The following MEF2A variants were observed in gnomAD, a reference collection of about 807,000 sequenced individuals.
MEF2A encodes myocyte-specific enhancer factor 2A.
MEF2A carries 28 observed loss-of-function variants against 55.8 expected under a neutral mutation model. The observed-to-expected ratio is 0.50, with a 90% CI of 0.37 to 0.69. The LOEUF (loss-of-function observed/expected upper bound fraction) is 0.69, where lower values mean the gene tolerates loss of function less well. Ranked by LOEUF, MEF2A falls within the 30% of genes least tolerant of loss-of-function variation. The probability of loss-of-function intolerance (pLI) is 0.00; values close to 1 mark genes in which losing one functional copy is unlikely to be tolerated. For missense variants in MEF2A, 528 were observed against 626.2 expected, an observed-to-expected ratio of 0.84 and a Z score of 1.67; for synonymous variants, 239 against 227.1, an observed-to-expected ratio of 1.05 and a Z score of -0.47.
At chr15:99,638,347 G>A (rs966286282) in intron 3 of MEF2A, among the ~76,000 whole-genome samples, 43 of 151,820 alleles carry the variant, frequency 2.8e-4, no homozygotes, top group African/African-American at 9.4e-4. Flanking sequence ...CATTTTTACT[G>A]TGATGGACCC....
chr15:99,621,779 A>G (rs919059887), intron 2 of MEF2A, among the ~76,000 whole-genome samples: 8 of 152,152 alleles, frequency 5.3e-5, no homozygotes, highest in Non-Finnish European at 1.2e-4. Context: ...TTCTTTTGAT[A>G]GAGATGCCTG....
At chr15:99,611,061 G>C (rs909793998) in intron 2 of MEF2A, among the ~76,000 whole-genome samples, 5 of 152,182 alleles carry the variant, frequency 3.3e-5, no homozygotes, top group Non-Finnish European at 7.3e-5. Context: ...GGCCAACATG[G>C]TGAAACCCCA....
intron 4 of MEF2A, among the ~76,000 whole-genome samples, chr15:99,669,377 A>G (rs527561347): frequency 6.6e-5 from 10 of 152,210 alleles, no homozygotes; most frequent in East Asian, 5.8e-4. Context: ...TAAGAGTTCA[A>G]TGTGTTCCAG....
intron 4 of MEF2A, among the ~76,000 whole-genome samples, chr15:99,660,913 C>G (rs2048514228): frequency 6.6e-6 from 1 of 152,132 alleles, no homozygotes; most frequent in Non-Finnish European, 1.5e-5. Context: ...ACAACTGATT[C>G]TAAAGTTCAC....
chr15:99,602,005 A>ACTGTT (rs1056923555), intron 2 of MEF2A, among the ~76,000 whole-genome samples: 8 of 152,046 alleles, frequency 5.3e-5, no homozygotes, highest in Admixed American at 5.2e-4. Flanking sequence ...AAGGTTTTAA[A>ACTGTT]CTGTTACCAG....
chr15:99,662,483 T>G (rs1596934626), intron 4 of MEF2A, among the ~76,000 whole-genome samples: 1 of 151,830 alleles, frequency 6.6e-6, no homozygotes, highest in African/African-American at 2.4e-5. Context: ...TTCCTCTTTT[T>G]TTTTTTTTTG....
At chr15:99,667,831 TAGCTC>T (rs2050095802) in intron 4 of MEF2A, among the ~76,000 whole-genome samples, 1 of 152,194 alleles carries the variant, frequency 6.6e-6, no homozygotes, top group African/African-American at 2.4e-5. Flanking sequence ...AGTTGGAAAA[TAGCTC>T]AGAAACCAAG....
chr15:99,599,516 TGA>T (rs1207467959), intron 2 of MEF2A, among the ~76,000 whole-genome samples: 2 of 152,174 alleles, frequency 1.3e-5, no homozygotes, highest in African/African-American at 4.8e-5. Context: ...AGTTCTTTGT[TGA>T]AGTATGATAT....
intron 1 of MEF2A, among the ~76,000 whole-genome samples, chr15:99,575,985 G>A (rs1964145123): frequency 6.6e-6 from 1 of 152,100 alleles, no homozygotes. Context: ...ATCATTTGTT[G>A]AGCACTTTCT....
intron 8 of MEF2A, among the ~76,000 whole-genome samples, chr15:99,701,587 A>C (rs1319076539): frequency 6.6e-6 from 1 of 152,198 alleles, no homozygotes; most frequent in Non-Finnish European, 1.5e-5. Flanking sequence ...GTGCTGTATT[A>C]TTTTTATTAG....
In MEF2A at chr15:99,669,898, T is replaced by C. The variant is rs140814491; in HGVS notation, c.259-1425T>C. Among the ~76,000 whole-genome samples, 459 of 152,324 alleles carry C rather than the reference T, an allele frequency of 3.0e-3. 4 individuals are homozygous for C. The highest frequency in any genetic ancestry group is 0.01 in the African/African-American group (429 of 41,572). On this transcript the variant is annotated intron_variant, in intron 4 of 11. Coordinates refer to ENST00000557942, the MANE Select transcript of MEF2A (RefSeq NM_001319206.4). The stretch of plus-strand genomic sequence containing the variant: ...AATATCTTTAGATCTAATTTAATCG[T>C]TTATTGATGAACTTCTCTGGGACTA...
intron 4 of MEF2A, among the ~76,000 whole-genome samples, chr15:99,662,164 G>C (rs2048762560): frequency 6.6e-6 from 1 of 152,168 alleles, no homozygotes. Context: ...GTAAAGGTGG[G>C]AGGAGAGGGT....
At chr15:99,653,146 C>T (rs1261214226) in intron 4 of MEF2A, among the ~76,000 whole-genome samples, 1 of 152,164 alleles carries the variant, frequency 6.6e-6, no homozygotes, top group Admixed American at 6.5e-5. Context: ...CTAGGTGCTT[C>T]CCGTGTTTCT....
intron 7 of MEF2A, among the ~76,000 whole-genome samples, chr15:99,683,711 TAAAA>T (rs11299840): frequency 2.9e-5 from 4 of 139,428 alleles, no homozygotes; most frequent in Middle Eastern, 3.3e-3. Context: ...GGCCTTTTAT[TAAAA>T]AAAAAAAAAA....
chr15:99,633,218 T>TA (rs1156691291), intron 3 of MEF2A, 45 bp downstream of exon 3: 3 of 1,363,590 alleles, frequency 2.2e-6, no homozygotes, highest in Non-Finnish European at 2.0e-6. Context: ...AATATTCTTT[T>TA]AAAAAAAGAA....
intron 8 of MEF2A, among the ~76,000 whole-genome samples, chr15:99,692,950 C>T (rs2055771999): frequency 6.6e-6 from 1 of 152,136 alleles, no homozygotes; most frequent in Admixed American, 6.5e-5. Flanking sequence ...AGGAGAGTGG[C>T]AGGATGACTG....
At chr15:99,571,895 C>G (rs775738845) in intron 1 of MEF2A, among the ~76,000 whole-genome samples, 9 of 152,186 alleles carry the variant, frequency 5.9e-5, no homozygotes, top group African/African-American at 2.2e-4. Context: ...TTGCCTTGAG[C>G]AGTCCACTGC....
At chr15:99,687,260 C>G (rs1465021181) in intron 7 of MEF2A, among the ~76,000 whole-genome samples, 1 of 151,968 alleles carries the variant, frequency 6.6e-6, no homozygotes. Flanking sequence ...AGAATGCAGT[C>G]TTGTCAGGAT....
chr15:99,651,408 A>G (rs954980749), intron 4 of MEF2A, among the ~76,000 whole-genome samples: 1 of 152,128 alleles, frequency 6.6e-6, no homozygotes, highest in Admixed American at 6.5e-5. Context: ...TCCCCATGTT[A>G]TAGACGAGGA....
Sources: allele counts gnomAD v4.1 joint callset (sites outside exome capture counted in the v4.1 genomes callset), GRCh38; gene constraint gnomAD v4.1.1; transcripts MANE v1.5; gene names NCBI Gene and HGNC (gene_info 2026-07-23, HGNC 2026-07-21).